Variants in PPP1R12B observed in about 807,000 individuals in gnomAD.
PPP1R12B encodes protein phosphatase 1 regulatory subunit 12B, also known as myosin phosphatase target subunit 2.
A neutral mutation model predicts 126.1 loss-of-function variants in PPP1R12B; 76 were observed. The ratio of observed to expected loss-of-function variants is 0.60; its 90% CI spans 0.50 to 0.73. The LOEUF (loss-of-function observed/expected upper bound fraction) is 0.73. Ranked by LOEUF, PPP1R12B falls within the 30% of genes least tolerant of loss-of-function variation. The pLI, the probability that PPP1R12B is intolerant of heterozygous loss-of-function variation, is 0.00. For synonymous variants in PPP1R12B, 356 were observed against 434.7 expected (o/e 0.82, Z 2.25); for missense variants, 1,052 against 1,205.1 (o/e 0.87, Z 1.88).
At chr1:202,385,967 T>A (rs1323204095) in intron 1 of PPP1R12B, among the ~76,000 whole-genome samples, 1 of 151,862 alleles carries the variant, frequency 6.6e-6, no homozygotes, top group Admixed American at 6.6e-5. Context: ...GGAGTCTTGC[T>A]CTGTCACCCA....
chr1:202,500,916 A>G (rs1458467160), intron 18 of PPP1R12B, among the ~76,000 whole-genome samples: 1 of 152,218 alleles, frequency 6.6e-6, no homozygotes, highest in African/African-American at 2.4e-5. Flanking sequence ...TATGCTGGGG[A>G]CAGCAAGGAA....
In PPP1R12B at chr1:202,522,557, A is replaced by G. The variant is rs554202627; in HGVS notation, c.2490+25735A>G. ...CAATAGAGGGCAGGAAAGAAGATAA[A>G]AAGAAGCAAAGGAAAAACATGGAAA... is the stretch of plus-strand genomic sequence containing the variant. On this transcript the variant is annotated intron_variant, in intron 18 of 23. Coordinates refer to ENST00000608999, the MANE Select transcript of PPP1R12B (RefSeq NM_002481.4). Among the ~76,000 whole-genome samples the G allele has an allele frequency of 9.9e-5, 15 of 152,204 alleles. 1 individual carries two copies. In the South Asian group the frequency reaches 3.1e-3, roughly 32 times the overall value.
At chr1:202,435,699 G>A (rs1376156538) in intron 9 of PPP1R12B, among the ~76,000 whole-genome samples, 1 of 152,116 alleles carries the variant, frequency 6.6e-6, no homozygotes, top group African/African-American at 2.4e-5. Context: ...TTGGAATGAA[G>A]CTGTTGAAAA....
intron 1 of PPP1R12B, among the ~76,000 whole-genome samples, chr1:202,372,632 G>A (rs933231965): frequency 3.9e-5 from 6 of 152,096 alleles, no homozygotes; most frequent in African/African-American, 1.4e-4. Context: ...AAATAGCTGG[G>A]CATGGTGGCA....
chr1:202,388,394 T>C (rs955402756), intron 1 of PPP1R12B, among the ~76,000 whole-genome samples: 9 of 152,118 alleles, frequency 5.9e-5, no homozygotes, highest in Non-Finnish European at 7.4e-5. Context: ...TTAGTAGAGA[T>C]GAGGTTTCAC....
rs1558407463 is a variant in PPP1R12B at position 202,585,611 on chromosome 1, C to A, written c.*5051C>A. 6.6e-6 allele frequency: 1 copy of A among 152,194 alleles called. No individual in the cohort carries two copies. The highest frequency in any genetic ancestry group is 1.5e-5 in the Non-Finnish European group (1 of 68,018). 9.4% of individuals were successfully genotyped at this position (152,194 alleles called of 1,614,324 possible). On this transcript the variant is annotated 3_prime_UTR_variant, in exon 24 of 24. Coordinates refer to ENST00000608999, the MANE Select transcript of PPP1R12B (RefSeq NM_002481.4). ...GGGATTTCTGCTTCAAAAATTCTTT[C>A]TAACCTCAAAAATCCAAGTCCAGAA...
At chr1:202,433,905 G>A (rs1670496418) in intron 8 of PPP1R12B, among the ~76,000 whole-genome samples, 1 of 152,122 alleles carries the variant, frequency 6.6e-6, no homozygotes, top group African/African-American at 2.4e-5. Context: ...CCAGGTCTCA[G>A]CTCAATGCCT....
intron 2 of PPP1R12B, 39 bp from the exon 3 acceptor site, chr1:202,422,581 A>G: frequency 1.3e-6 from 2 of 1,593,564 alleles, no homozygotes; most frequent in Non-Finnish European, 1.7e-6. Context: ...TTTATATTAG[A>G]TTGACAGATA....
chr1:202,591,831 C>T lies in PPP1R12B; in HGVS notation c.*11271C>T, dbSNP rs1380305923. On this transcript the variant is annotated 3_prime_UTR_variant, in exon 24 of 24. Coordinates refer to ENST00000608999, the MANE Select transcript of PPP1R12B (RefSeq NM_002481.4). The stretch of plus-strand genomic sequence containing the variant: ...AAAATCCTGGTTGCCTCCACAGGGA[C>T]CCCAGGAAAGGTATCCAGAACCATG... 2 of 152,920 alleles carry T rather than the reference C, an allele frequency of 1.3e-5. No individual in the cohort carries two copies. The highest frequency in any genetic ancestry group is 3.9e-4 in the East Asian group (2 of 5,180). The allele number at this position is 152,920 out of a possible 1,614,324, so 9.5% of individuals were successfully genotyped here.
intron 13 of PPP1R12B, among the ~76,000 whole-genome samples, chr1:202,459,491 C>G (rs778941851): frequency 6.6e-6 from 1 of 152,106 alleles, no homozygotes; most frequent in Non-Finnish European, 1.5e-5. Context: ...CAGTTTATTC[C>G]TTTTTGAGAA....
At position 202,439,374 on chromosome 1, in the gene PPP1R12B, C is replaced by T. The variant is rs1167109648; in HGVS notation, c.1459-1332C>T. 130 of 1,297,828 alleles carry T rather than the reference C, an allele frequency of 1.0e-4. No homozygotes were observed. The African/African-American group carries it at 1.5e-3, about 15-fold the overall frequency. The allele number at this position is 1,297,828 out of a possible 1,614,324, so 80.4% of individuals were successfully genotyped here. ...GACGATCCACGCAGAACTCTTGAAG[C>T]TGGTGAAGAAGCACGCGGCACAGCG... is the stretch of plus-strand genomic sequence containing the variant. On this transcript the variant is annotated intron_variant, in intron 10 of 23. Coordinates refer to ENST00000608999, the MANE Select transcript of PPP1R12B (RefSeq NM_002481.4).
chr1:202,569,237 T>C, intron 23 of PPP1R12B, 40 bp downstream of exon 23: 1 of 1,580,044 alleles, frequency 6.3e-7, no homozygotes, highest in Non-Finnish European at 8.7e-7. Context: ...GCCTGTTCTC[T>C]GAATGCCTGC....
intron 17 of PPP1R12B, 39 bp downstream of exon 17, chr1:202,495,721 T>A (rs1679471588): frequency 6.5e-7 from 1 of 1,539,294 alleles, no homozygotes; most frequent in African/African-American, 1.4e-5. Context: ...ATCATATTAC[T>A]CTTGGTCACC....
intron 21 of PPP1R12B, among the ~76,000 whole-genome samples, chr1:202,566,407 T>G (rs951242892): frequency 3.3e-5 from 5 of 152,192 alleles, no homozygotes; most frequent in Non-Finnish European, 7.4e-5. Flanking sequence ...ATGGAGTTGT[T>G]TGGCAGGACA....
At chr1:202,537,063 G>A (rs1338598317) in intron 18 of PPP1R12B, among the ~76,000 whole-genome samples, 1 of 152,140 alleles carries the variant, frequency 6.6e-6, no homozygotes, top group Non-Finnish European at 1.5e-5. Context: ...TAAATACCAG[G>A]TTAGGCCGGG....
chr1:202,479,028 C>T (rs1287151927), intron 13 of PPP1R12B, among the ~76,000 whole-genome samples: 1 of 152,152 alleles, frequency 6.6e-6, no homozygotes, highest in Non-Finnish European at 1.5e-5. Flanking sequence ...AGTAGGTTTG[C>T]TGGTAATCTA....
At chr1:202,524,137 A>G (rs1239337214) in intron 18 of PPP1R12B, among the ~76,000 whole-genome samples, 1 of 152,234 alleles carries the variant, frequency 6.6e-6, no homozygotes, top group Non-Finnish European at 1.5e-5. Context: ...GGCTTGGATC[A>G]CATGGTAGCA....
At chr1:202,444,932 C>G (rs751891138) in intron 12 of PPP1R12B, 70 of 891,520 alleles carry the variant, frequency 7.9e-5, no homozygotes, top group Non-Finnish European at 1.0e-4. Flanking sequence ...AGTTGTCATA[C>G]CCTTTCTTTG....
intron 13 of PPP1R12B, among the ~76,000 whole-genome samples, chr1:202,469,030 G>A (rs1424608057): frequency 6.6e-6 from 1 of 152,162 alleles, no homozygotes; most frequent in African/African-American, 2.4e-5. Flanking sequence ...TTTAAAAATG[G>A]TAAATAAATA....
Sources: gnomAD v4.1 joint callset for allele counts (sites outside exome capture counted in the v4.1 genomes callset) on GRCh38, gnomAD v4.1.1 for gene constraint, MANE v1.5 for transcripts, NCBI Gene and HGNC (gene_info 2026-07-23, HGNC 2026-07-21) for gene names.